CSMD1: variants seen among roughly 807,000 people sequenced by gnomAD.
CSMD1 encodes the protein CUB and Sushi multiple domains 1.
Under a neutral mutation model 417.5 loss-of-function variants are expected in CSMD1, and 213 were observed. The observed-to-expected ratio is 0.51, with a 90% confidence interval of 0.46 to 0.57. The LOEUF is 0.57. Ranked by LOEUF, CSMD1 falls within the 20% of genes least tolerant of loss-of-function variation. The pLI, the probability that CSMD1 is intolerant of heterozygous loss-of-function variation, is 0.00. For missense variants in CSMD1, 6,923 were observed against 4,529.7 expected (o/e 1.53, Z -15.17); for synonymous variants, 2,862 against 1,736.8 (o/e 1.65, Z -16.11).
At chr8:3,467,442 C>A (rs1034312877) in intron 12 of CSMD1, among the ~76,000 whole-genome samples, 1 of 152,174 alleles carries the variant, frequency 6.6e-6, no homozygotes, top group African/African-American at 2.4e-5. Context: ...CATAAAAGTT[C>A]AATTGAAGGT....
chr8:4,229,278 C>T (rs1311583513), intron 3 of CSMD1, among the ~76,000 whole-genome samples: 3 of 152,192 alleles, frequency 2.0e-5, no homozygotes, highest in Non-Finnish European at 4.4e-5. Context: ...ATCCTCCCCA[C>T]CTCATTCTTC....
chr8:2,981,595 G>T (rs574194487), intron 54 of CSMD1, among the ~76,000 whole-genome samples: 3 of 152,060 alleles, frequency 2.0e-5, no homozygotes, highest in Non-Finnish European at 2.9e-5. Flanking sequence ...TGTCAGCTGG[G>T]AGGAATGAGA....
intron 5 of CSMD1, among the ~76,000 whole-genome samples, chr8:3,927,507 A>C (rs1188146919): frequency 6.6e-6 from 1 of 151,896 alleles, no homozygotes; most frequent in Non-Finnish European, 1.5e-5. Context: ...TCTACTAAAA[A>C]TACAAAAATT....
intron 5 of CSMD1, among the ~76,000 whole-genome samples, chr8:3,821,618 C>G (rs1030855780): frequency 2.0e-5 from 3 of 152,096 alleles, no homozygotes; most frequent in Non-Finnish European, 4.4e-5. Flanking sequence ...CCTGTCTCTA[C>G]TAATAATACA....
chr8:4,318,897 C>G (rs185351421), intron 3 of CSMD1, among the ~76,000 whole-genome samples: 9 of 152,234 alleles, frequency 5.9e-5, no homozygotes, highest in Non-Finnish European at 1.0e-4. Context: ...AACGTACTTT[C>G]TGAAACTTTA....
intron 3 of CSMD1, among the ~76,000 whole-genome samples, chr8:4,319,560 T>A (rs1799144786): frequency 6.6e-6 from 1 of 152,080 alleles, no homozygotes; most frequent in South Asian, 2.1e-4. Context: ...AAGGAAACAT[T>A]AATTGTTGGC....
intron 3 of CSMD1, among the ~76,000 whole-genome samples, chr8:4,356,221 C>T (rs960939115): frequency 1.3e-5 from 2 of 152,082 alleles, no homozygotes; most frequent in African/African-American, 4.8e-5. Flanking sequence ...TTTTCCATTC[C>T]TGAGTTACTT....
chr8:4,195,376 A>C (rs148225316), intron 3 of CSMD1, among the ~76,000 whole-genome samples: 30 of 152,288 alleles, frequency 2.0e-4, no homozygotes, highest in African/African-American at 7.0e-4. Context: ...ATCTTCTATA[A>C]CATTTTTTAA....
At chr8:3,293,358 T>G (rs1038678018) in intron 25 of CSMD1, among the ~76,000 whole-genome samples, 2 of 152,172 alleles carry the variant, frequency 1.3e-5, no homozygotes, top group Non-Finnish European at 2.9e-5. Flanking sequence ...ATTTCCTGAA[T>G]TTGAATGTTG....
intron 1 of CSMD1, among the ~76,000 whole-genome samples, chr8:4,649,679 C>T (rs919367258): frequency 6.6e-6 from 1 of 152,200 alleles, no homozygotes; most frequent in African/African-American, 2.4e-5. Flanking sequence ...CATGAAACTA[C>T]ATTAATTGGA....
intron 1 of CSMD1, among the ~76,000 whole-genome samples, chr8:4,884,738 C>T (rs148425626): frequency 4.5e-4 from 68 of 152,132 alleles, no homozygotes; most frequent in Non-Finnish European, 8.5e-4. Context: ...TAGGTCTATC[C>T]TTAAGTCACT....
chr8:4,516,794 A>C (rs1044733761), intron 2 of CSMD1, among the ~76,000 whole-genome samples: 2 of 152,070 alleles, frequency 1.3e-5, no homozygotes, highest in Non-Finnish European at 2.9e-5. Context: ...TTGTTGACCA[A>C]CCCAGGAGGT....
intron 3 of CSMD1, among the ~76,000 whole-genome samples, chr8:4,342,260 T>G (rs1800524103): frequency 6.7e-6 from 1 of 149,850 alleles, no homozygotes; most frequent in Non-Finnish European, 1.5e-5. Context: ...TCTCTGTATG[T>G]GTGTGTGTAG....
At chr8:3,677,087 G>A (rs971680277) in intron 7 of CSMD1, among the ~76,000 whole-genome samples, 1 of 151,976 alleles carries the variant, frequency 6.6e-6, no homozygotes, top group African/African-American at 2.4e-5. Context: ...GGGTAGATAG[G>A]TGCAACAAAA....
At chr8:3,710,907 G>A (rs146710159) in intron 6 of CSMD1, among the ~76,000 whole-genome samples, 245 of 152,236 alleles carry the variant, frequency 1.6e-3, no homozygotes, top group Non-Finnish European at 2.7e-3. Flanking sequence ...AGACAGGAGG[G>A]CAGGGCTGCA....
Position 3,736,651 on chromosome 8 carries a change from A to G in CSMD1, c.931+17279T>C, listed in dbSNP as rs527715383. 4.6e-5 allele frequency among the ~76,000 whole-genome samples: 7 copies of G among 152,308 alleles called. No individual in the cohort carries two copies. The East Asian group carries it at 1.4e-3, about 29-fold the overall frequency. Reference sequence around the variant, plus strand: ...ATCTTTCTCATGCCCCAGGTCTTCCATCACCTGCGACCTGGCCTGACTCAG... The same window carrying G: ...ATCTTTCTCATGCCCCAGGTCTTCCGTCACCTGCGACCTGGCCTGACTCAG... On this transcript the variant is annotated intron_variant, in intron 6 of 69. Coordinates refer to ENST00000635120, the MANE Select transcript of CSMD1 (RefSeq NM_033225.6).
chr8:4,933,921 T>C (rs1383827241), intron 1 of CSMD1, among the ~76,000 whole-genome samples: 2 of 152,150 alleles, frequency 1.3e-5, no homozygotes, highest in Admixed American at 1.3e-4. Context: ...ATTTTTAAAT[T>C]TCATAATAGG....
At chr8:4,068,493 C>G (rs1799375693) in intron 3 of CSMD1, among the ~76,000 whole-genome samples, 1 of 152,154 alleles carries the variant, frequency 6.6e-6, no homozygotes, top group Admixed American at 6.5e-5. Flanking sequence ...AGCATCATTA[C>G]AGAAACAAAA....
chr8:4,532,719 CCATT>C (rs1221664186), intron 2 of CSMD1, among the ~76,000 whole-genome samples: 6 of 141,706 alleles, frequency 4.2e-5, no homozygotes, highest in Admixed American at 3.5e-4. Context: ...TCCTGCACCC[CCATT>C]CAGTCACTCC....
Sources: gnomAD v4.1 joint callset for allele counts (sites outside exome capture counted in the v4.1 genomes callset) on GRCh38, gnomAD v4.1.1 for gene constraint, MANE v1.5 for transcripts, NCBI Gene and HGNC (gene_info 2026-07-23, HGNC 2026-07-21) for gene names.